Variants in RPTOR observed in about 807,000 individuals in gnomAD.
RPTOR encodes the protein regulatory-associated protein of mTOR.
In RPTOR, 21 loss-of-function variants were observed where a neutral mutation model predicts 169.9. The ratio of observed to expected loss-of-function variants is 0.12; its 90% CI spans 0.09 to 0.18. The LOEUF (loss-of-function observed/expected upper bound fraction) is 0.18. Among genes scored for constraint, RPTOR ranks in the 10% least tolerant of loss-of-function variants. The pLI, the probability that RPTOR is intolerant of heterozygous loss-of-function variation, is 1.00. For synonymous variants in RPTOR, 732 were observed against 753.2 expected (o/e 0.97, Z 0.46); for missense variants, 1,133 against 1,855.9 (o/e 0.61, Z 7.16).
At chr17:80,573,953 T>C (rs7215496) in intron 1 of RPTOR, among the ~76,000 whole-genome samples, 112,854 of 152,098 alleles carry the variant, frequency 0.74, 41,904 homozygotes, top group Admixed American at 0.78. Context: ...TACAGCTGTC[T>C]GCCCACATGC....
intron 6 of RPTOR, among the ~76,000 whole-genome samples, chr17:80,758,473 G>T (rs2066702680): frequency 6.6e-6 from 1 of 152,192 alleles, no homozygotes; most frequent in African/African-American, 2.4e-5. Flanking sequence ...GTAGAAAAAT[G>T]ACTTCATCAG....
intron 3 of RPTOR, among the ~76,000 whole-genome samples, chr17:80,700,658 A>ATGATAG (rs2066084392): frequency 4.2e-4 from 2 of 4,718 alleles, no homozygotes; most frequent in Non-Finnish European, 9.7e-4. Flanking sequence ...GATGGTAGAG[A>ATGATAG]TGATGGTGAT....
chr17:80,577,033 CTT>C (rs11451555), intron 1 of RPTOR, among the ~76,000 whole-genome samples: 5 of 142,718 alleles, frequency 3.5e-5, no homozygotes, highest in Admixed American at 7.0e-5. Context: ...AGTCATAATT[CTT>C]TTTTTTTTTT....
chr17:80,811,864 A>G (rs1005331268), intron 7 of RPTOR, among the ~76,000 whole-genome samples: 1 of 125,914 alleles, frequency 7.9e-6, no homozygotes, highest in Non-Finnish European at 1.9e-5. Flanking sequence ...CACTGTACCC[A>G]CGGGACACAG....
chr17:80,830,283 C>T (rs2067488543), intron 9 of RPTOR, among the ~76,000 whole-genome samples: 1 of 152,168 alleles, frequency 6.6e-6, no homozygotes, highest in Admixed American at 6.5e-5. Context: ...TGGCCACTGA[C>T]CAGTTCCGAC....
chr17:80,732,173 G>A (rs932085476), intron 5 of RPTOR, among the ~76,000 whole-genome samples: 6 of 150,062 alleles, frequency 4.0e-5, no homozygotes, highest in Non-Finnish European at 8.8e-5. Flanking sequence ...CAAAAAAAAG[G>A]TGATTTTTTT....
intron 4 of RPTOR, among the ~76,000 whole-genome samples, chr17:80,710,380 G>T (rs190815300): frequency 6.6e-6 from 1 of 152,028 alleles, no homozygotes; most frequent in Non-Finnish European, 1.5e-5. Context: ...GGTGGGGAGC[G>T]GGGAGGGAGG....
At chr17:80,818,039 A>C (rs983826376) in intron 7 of RPTOR, among the ~76,000 whole-genome samples, 1 of 152,226 alleles carries the variant, frequency 6.6e-6, no homozygotes, top group Non-Finnish European at 1.5e-5. Context: ...CCTCCTGCCA[A>C]TGGCAGTGAA....
intron 3 of RPTOR, among the ~76,000 whole-genome samples, chr17:80,685,075 CCCTT>C (rs2065926708): frequency 8.5e-6 from 1 of 118,286 alleles, no homozygotes; most frequent in Non-Finnish European, 1.7e-5. Context: ...TTGTCAAATT[CCCTT>C]CCTACCTCAG....
At chr17:80,666,813 C>T (rs1041462200) in intron 3 of RPTOR, among the ~76,000 whole-genome samples, 1 of 151,004 alleles carries the variant, frequency 6.6e-6, no homozygotes, top group South Asian at 2.1e-4. Flanking sequence ...ACTGAGGCAG[C>T]GCCTTGAAAG....
At chr17:80,882,424 T>C (rs895818717) in intron 14 of RPTOR, among the ~76,000 whole-genome samples, 1 of 152,204 alleles carries the variant, frequency 6.6e-6, no homozygotes, top group Non-Finnish European at 1.5e-5. Flanking sequence ...ACAAACGTTA[T>C]TAGCAAAGGA....
At chr17:80,561,173 C>A (rs1244781633) in intron 1 of RPTOR, among the ~76,000 whole-genome samples, 1 of 150,572 alleles carries the variant, frequency 6.6e-6, no homozygotes, top group East Asian at 2.0e-4. Flanking sequence ...CGGGTTCAAG[C>A]AATTCTCCTG....
At chr17:80,764,147 T>G (rs1363828610) in intron 6 of RPTOR, among the ~76,000 whole-genome samples, 1 of 129,560 alleles carries the variant, frequency 7.7e-6, no homozygotes, top group Non-Finnish European at 1.6e-5. Context: ...TTTATTTTAT[T>G]TTATTTTATT....
intron 1 of RPTOR, among the ~76,000 whole-genome samples, chr17:80,611,412 C>T (rs2065269909): frequency 6.6e-6 from 1 of 152,038 alleles, no homozygotes; most frequent in South Asian, 2.1e-4. Context: ...TAGGCACGCA[C>T]CACCACACCC....
chr17:80,650,362 TG>T (rs2065630468), intron 3 of RPTOR, among the ~76,000 whole-genome samples: 1 of 152,188 alleles, frequency 6.6e-6, no homozygotes, highest in Non-Finnish European at 1.5e-5. Flanking sequence ...GGAAGATTGG[TG>T]GAGTCCGCCT....
intron 13 of RPTOR, among the ~76,000 whole-genome samples, chr17:80,880,206 C>T (rs2068170703): frequency 1.3e-5 from 2 of 152,256 alleles, no homozygotes; most frequent in Middle Eastern, 3.4e-3. Flanking sequence ...TTCCTCTGGG[C>T]GTTCGTGGGA....
chr17:80,850,558 C>T (rs1016416042), intron 11 of RPTOR, among the ~76,000 whole-genome samples: 1 of 152,158 alleles, frequency 6.6e-6, no homozygotes, highest in Non-Finnish European at 1.5e-5. Context: ...ATCAGGTGTG[C>T]ACCACCGCAC....
At chr17:80,629,203 G>A (rs940352727) in intron 2 of RPTOR, among the ~76,000 whole-genome samples, 2 of 151,464 alleles carry the variant, frequency 1.3e-5, no homozygotes, top group Non-Finnish European at 2.9e-5. Context: ...GTATTGCGCT[G>A]TCGGACATAG....
intron 20 of RPTOR, among the ~76,000 whole-genome samples, chr17:80,904,321 G>A (rs1229678176): frequency 6.6e-6 from 1 of 152,208 alleles, no homozygotes; most frequent in Non-Finnish European, 1.5e-5. Flanking sequence ...GACTGGGTGA[G>A]CACATCAGAG....
Sources: allele counts gnomAD v4.1 joint callset (sites outside exome capture counted in the v4.1 genomes callset), GRCh38; gene constraint gnomAD v4.1.1; transcripts MANE v1.5; gene names NCBI Gene and HGNC (gene_info 2026-07-23, HGNC 2026-07-21).